Variants in ERC1 observed in about 807,000 individuals in gnomAD.
The protein encoded by ERC1 is ELKS/RAB6-interacting/CAST family member 1, also known as RAB6 interacting protein 2.
A neutral mutation model predicts 132.0 loss-of-function variants in ERC1; 56 were observed. That is an observed-to-expected ratio of 0.42 (90% CI 0.34 to 0.53). ERC1 has a LOEUF of 0.53. ERC1 is among the 20% of genes least tolerant of loss of function. The pLI, the probability that ERC1 is intolerant of heterozygous loss-of-function variation, is 0.03. For missense variants in ERC1, 1,202 were observed against 1,349.9 expected, an observed-to-expected ratio of 0.89 and a Z score of 1.72; for synonymous variants, 478 against 476.1, an observed-to-expected ratio of 1.00 and a Z score of -0.05.
chr12:1,371,759 G>T, intron 15 of ERC1, 74 bp from the exon 16 acceptor site: 3 of 1,501,592 alleles, frequency 2.0e-6, no homozygotes, highest in Non-Finnish European at 2.7e-6. Flanking sequence ...CAAAATGGGG[G>T]TACTGGTAAT....
At chr12:1,307,047 G>A (rs73032705) in intron 15 of ERC1, among the ~76,000 whole-genome samples, 3,693 of 152,228 alleles carry the variant, frequency 0.024, 53 homozygotes, top group Middle Eastern at 0.071. Context: ...TTTATGACAC[G>A]TCAGTGTTCA....
chr12:1,060,673 T>G (rs577025452), intron 2 of ERC1, among the ~76,000 whole-genome samples: 126 of 152,066 alleles, frequency 8.3e-4, no homozygotes, highest in Middle Eastern at 3.4e-3. Context: ...TGGGAAAGAC[T>G]GGCCCCATGA....
At chr12:1,358,859 G>A (rs1400383481) in intron 15 of ERC1, among the ~76,000 whole-genome samples, 1 of 152,288 alleles carries the variant, frequency 6.6e-6, no homozygotes, top group East Asian at 1.9e-4. Context: ...TAGTAGGTTC[G>A]CACTCTGGAT....
chr12:1,023,846 A>G (rs1592756497), intron 1 of ERC1, among the ~76,000 whole-genome samples: 2 of 152,210 alleles, frequency 1.3e-5, no homozygotes, highest in African/African-American at 2.4e-5. Flanking sequence ...TTAAAAAGGC[A>G]TTAGAGAGGA....
At position 1,491,750 on chromosome 12, in the gene ERC1, G is replaced by A. The variant is rs891555935; in HGVS notation, c.*1520G>A. ...CCTCGTGGAATTCAGCCAGCTTCAT[G>A]TTGCAAATCAGAAAGCTGACCCCAA... is the stretch of plus-strand genomic sequence containing the variant. On this transcript the variant is annotated 3_prime_UTR_variant, in exon 19 of 19. Transcript: ENST00000360905. 4 of 231,566 alleles carry A rather than the reference G, an allele frequency of 1.7e-5. No individual in the cohort carries two copies. The highest frequency in any genetic ancestry group is 6.6e-5 in the African/African-American group (3 of 45,362). The allele number at this position is 231,566 out of a possible 1,614,324, so 14.3% of individuals were successfully genotyped here.
intron 12 of ERC1, among the ~76,000 whole-genome samples, chr12:1,218,409 C>T (rs926259380): frequency 1.3e-5 from 2 of 152,090 alleles, no homozygotes; most frequent in Admixed American, 6.6e-5. Flanking sequence ...TAAAAAAAAT[C>T]GTTCTCTTGA....
intron 4 of ERC1, among the ~76,000 whole-genome samples, chr12:1,106,241 A>G (rs1945250382): frequency 6.6e-6 from 1 of 152,222 alleles, no homozygotes; most frequent in African/African-American, 2.4e-5. Context: ...AACAGGACCT[A>G]GCGCATAGTA....
Position 1,175,523 on chromosome 12 carries a change from C to T in ERC1, c.1738-5017C>T, listed in dbSNP as rs376249772. Among the ~76,000 whole-genome samples the T allele has an allele frequency of 1.9e-4, 29 of 149,986 alleles. No homozygotes were observed. In the East Asian group the frequency reaches 3.5e-3, roughly 18 times the overall value. On this transcript the variant is annotated intron_variant, in intron 8 of 18. Coordinates refer to ENST00000360905, the MANE Select transcript of ERC1 (RefSeq NM_178040.4). The stretch of plus-strand genomic sequence containing the variant: ...ATTACTCATTCAGAAGAAGCAGCTC[C>T]ACATCTGTTCAATTTTTTTTTTTTT...
chr12:1,003,615 G>A (rs1447032601), intron 1 of ERC1, among the ~76,000 whole-genome samples: 1 of 152,144 alleles, frequency 6.6e-6, no homozygotes, highest in East Asian at 1.9e-4. Context: ...AGACGTCATT[G>A]TCTTTTCCCA....
At chr12:1,332,414 T>C (rs1358772122) in intron 15 of ERC1, among the ~76,000 whole-genome samples, 1 of 152,254 alleles carries the variant, frequency 6.6e-6, no homozygotes, top group East Asian at 1.9e-4. Flanking sequence ...ATCTTCTCTT[T>C]TATTTCAGAG....
intron 8 of ERC1, among the ~76,000 whole-genome samples, chr12:1,159,033 T>C (rs1415001930): frequency 6.6e-6 from 1 of 152,200 alleles, no homozygotes; most frequent in Non-Finnish European, 1.5e-5. Context: ...AGATTAATAC[T>C]TGATTTTAGT....
intron 1 of ERC1, among the ~76,000 whole-genome samples, chr12:1,000,890 G>A (rs559265418): frequency 1.3e-5 from 2 of 152,054 alleles, no homozygotes; most frequent in Non-Finnish European, 2.9e-5. Context: ...GCCATTATTT[G>A]TGTATTTATT....
At chr12:1,067,103 C>T (rs1175813449) in intron 2 of ERC1, among the ~76,000 whole-genome samples, 1 of 152,032 alleles carries the variant, frequency 6.6e-6, no homozygotes, top group African/African-American at 2.4e-5. Flanking sequence ...CCTCTGTGCC[C>T]GGCCAAAACA....
chr12:1,017,681 T>A (rs183073026), intron 1 of ERC1, among the ~76,000 whole-genome samples: 7 of 152,112 alleles, frequency 4.6e-5, no homozygotes, highest in Admixed American at 2.0e-4. Context: ...GTATTTTTCG[T>A]AGAGATGGAG....
At chr12:1,214,661 TACATACACACACACACACACAC>T (rs1377446700) in intron 12 of ERC1, among the ~76,000 whole-genome samples, 9 of 118,078 alleles carry the variant, frequency 7.6e-5, no homozygotes, top group South Asian at 2.7e-4. Flanking sequence ...CGTGTGTGTA[TACATACACACACACACACACAC>T]ACACACACAC....
At chr12:1,393,607 C>CGTGTGTGTGT (rs34533745) in intron 16 of ERC1, among the ~76,000 whole-genome samples, 11 of 140,230 alleles carry the variant, frequency 7.8e-5, no homozygotes, top group East Asian at 2.1e-4. Flanking sequence ...AGAGAACACA[C>CGTGTGTGTGT]GTGTGTGTGT....
rs148016557 is a variant in ERC1, at chr12:1,028,428, G to A, written c.525G>A (p.Lys175=). ...NDLLRKDVEV[K]ESKLSSSMNS... is the part of the protein sequence containing the mutation. Reference sequence around the variant, plus strand: ...TCTTGCGGAAGGATGTGGAAGTAAAGGAGAGCAAATTGAGTTCTTCAATGA... The same window carrying A: ...TCTTGCGGAAGGATGTGGAAGTAAAAGAGAGCAAATTGAGTTCTTCAATGA... Residue 175 remains lysine, a synonymous_variant, in exon 2 of 19, where the codon AAG becomes AAA. Transcript: ENST00000360905. 46 of 1,614,174 alleles carry A rather than the reference G, an allele frequency of 2.8e-5. No individual in the cohort carries two copies. In the African/African-American group the frequency reaches 5.9e-4, roughly 21 times the overall value.
At chr12:1,064,875 G>A (rs1291210645) in intron 2 of ERC1, among the ~76,000 whole-genome samples, 1 of 152,168 alleles carries the variant, frequency 6.6e-6, no homozygotes, top group African/African-American at 2.4e-5. Flanking sequence ...GGTTGTCTAT[G>A]CCATTTACCA....
At chr12:1,220,035 C>A (rs962199780) in intron 12 of ERC1, among the ~76,000 whole-genome samples, 2 of 152,164 alleles carry the variant, frequency 1.3e-5, no homozygotes, top group Non-Finnish European at 2.9e-5. Flanking sequence ...CTTCCATATA[C>A]TCCACCTATC....
Sources: allele counts gnomAD v4.1 joint callset (sites outside exome capture counted in the v4.1 genomes callset), GRCh38; gene constraint gnomAD v4.1.1; transcripts MANE v1.5; gene names NCBI Gene and HGNC (gene_info 2026-07-23, HGNC 2026-07-21).